RGSL1: variants seen among roughly 807,000 people sequenced by gnomAD.
The protein encoded by RGSL1 is regulator of G protein signaling like 1.
Under a neutral mutation model 124.7 loss-of-function variants are expected in RGSL1, and 97 were observed. The ratio of observed to expected loss-of-function variants is 0.78; its 90% confidence interval spans 0.66 to 0.92. The LOEUF (loss-of-function observed/expected upper bound fraction) is 0.92. Ranked by LOEUF, RGSL1 falls within the 40% of genes least tolerant of loss-of-function variation. RGSL1 has a pLI of 0.00. For synonymous variants in RGSL1, 424 were observed against 438.1 expected (o/e 0.97, Z 0.40); for missense variants, 1,233 against 1,288.4 (o/e 0.96, Z 0.66).
chr1:182,519,620 T>C (rs1310834863), intron 9 of RGSL1, among the ~76,000 whole-genome samples: 1 of 152,152 alleles, frequency 6.6e-6, no homozygotes, highest in Non-Finnish European at 1.5e-5. Context: ...CTTTTTTCAG[T>C]TTTAGGGAAT....
intron 13 of RGSL1, among the ~76,000 whole-genome samples, chr1:182,531,889 G>C (rs1221776606): frequency 6.6e-6 from 1 of 152,134 alleles, no homozygotes; most frequent in Admixed American, 6.5e-5. Context: ...CTTACACATG[G>C]AGACATTGAG....
rs79255440 is a variant in RGSL1, at chr1:182,533,587, G to A, written c.2494+796G>A. Among the ~76,000 whole-genome samples, 1,347 of 152,240 alleles carry A rather than the reference G, an allele frequency of 8.8e-3. 18 individuals carry two copies. The highest frequency in any genetic ancestry group is 0.031 in the African/African-American group (1,282 of 41,538). On this transcript the variant is annotated intron_variant, in intron 14 of 21. Coordinates refer to ENST00000294854, the MANE Select transcript of RGSL1 (RefSeq NM_001137669.2). ...AATACAAGCCACAGATGTTGGAGCC[G>A]GAGTGCCTAGATTTGAATCTGTCAC... is the stretch of plus-strand genomic sequence containing the variant.
intron 1 of RGSL1, among the ~76,000 whole-genome samples, chr1:182,450,888 T>C (rs1041218045): frequency 6.6e-6 from 1 of 152,234 alleles, no homozygotes; most frequent in African/African-American, 2.4e-5. Context: ...GGCTCACCCT[T>C]GTAATCCTAG....
At chr1:182,508,290 GTTTTTTTT>G (rs58641894) in intron 9 of RGSL1, among the ~76,000 whole-genome samples, 4 of 53,784 alleles carry the variant, frequency 7.4e-5, no homozygotes, top group Admixed American at 6.2e-4. Context: ...TGGTGGTGGT[GTTTTTTTT>G]TTTTTTTTTT....
chr1:182,533,893 A>C (rs1215582392), intron 14 of RGSL1, among the ~76,000 whole-genome samples: 1 of 152,224 alleles, frequency 6.6e-6, no homozygotes, highest in African/African-American at 2.4e-5. Flanking sequence ...TGACCAAGTT[A>C]GGTAGGTGGG....
intron 18 of RGSL1, among the ~76,000 whole-genome samples, chr1:182,553,008 A>G (rs266542): frequency 0.27 from 41,745 of 152,070 alleles, 6,182 homozygotes; most frequent in Admixed American, 0.34. Flanking sequence ...GGGTTCAAGC[A>G]ATTCTCCTGC....
chr1:182,477,614 T>A (rs1005334283), intron 6 of RGSL1, among the ~76,000 whole-genome samples: 2 of 152,200 alleles, frequency 1.3e-5, no homozygotes, highest in East Asian at 1.9e-4. Context: ...TGACCACCTG[T>A]GGACTCAGCT....
chr1:182,523,352 T>C lies in RGSL1; in HGVS notation c.1931+1243T>C, dbSNP rs778213064. Among the ~76,000 whole-genome samples, 12 of 152,118 alleles carry C rather than the reference T, an allele frequency of 7.9e-5. No homozygotes were observed. The South Asian group carries it at 1.2e-3, about 16-fold the overall frequency. ...ACCCAGCCAAGAATGTTTTCGTTTA[T>C]TGATGACATTCATTGAGGGTGATAA... On this transcript the variant is annotated intron_variant, in intron 10 of 21. Coordinates refer to ENST00000294854, the MANE Select transcript of RGSL1 (RefSeq NM_001137669.2).
chr1:182,523,426 C>T (rs950366608), intron 10 of RGSL1, among the ~76,000 whole-genome samples: 1 of 152,128 alleles, frequency 6.6e-6, no homozygotes, highest in Non-Finnish European at 1.5e-5. Flanking sequence ...TCCCTTTCAG[C>T]AACTGAAATT....
At chr1:182,515,858 G>A (rs530551021) in intron 9 of RGSL1, among the ~76,000 whole-genome samples, 113 of 152,340 alleles carry the variant, frequency 7.4e-4, no homozygotes, top group African/African-American at 2.6e-3. Flanking sequence ...TGGCCATGGG[G>A]TGGGATTCAG....
At chr1:182,451,023 G>C (rs1651769620) in intron 1 of RGSL1, among the ~76,000 whole-genome samples, 1 of 151,550 alleles carries the variant, frequency 6.6e-6, no homozygotes, top group Non-Finnish European at 1.5e-5. Context: ...GGCATGCACT[G>C]TAATCCCAGC....
At chr1:182,518,922 A>G (rs1039427439) in intron 9 of RGSL1, among the ~76,000 whole-genome samples, 4 of 150,774 alleles carry the variant, frequency 2.7e-5, no homozygotes, top group Non-Finnish European at 5.9e-5. Flanking sequence ...CCATGCTGCC[A>G]TTTTGGTACT....
intron 9 of RGSL1, among the ~76,000 whole-genome samples, chr1:182,499,578 G>C (rs534884060): frequency 5.9e-5 from 9 of 152,282 alleles, no homozygotes; most frequent in Admixed American, 3.9e-4. Flanking sequence ...CATTGCATGT[G>C]AGATGAATCT....
At chr1:182,477,802 TCTGA>T (rs758906197) in intron 6 of RGSL1, among the ~76,000 whole-genome samples, 7 of 152,118 alleles carry the variant, frequency 4.6e-5, no homozygotes, top group Non-Finnish European at 1.0e-4. Flanking sequence ...GCCCAGAATC[TCTGA>T]CTGGCTAATT....
At chr1:182,457,244 G>C (rs540246582) in intron 2 of RGSL1, among the ~76,000 whole-genome samples, 15 of 152,296 alleles carry the variant, frequency 9.8e-5, no homozygotes, top group Admixed American at 9.8e-4. Context: ...GCTGGCTCCA[G>C]GCCTGATGTG....
At position 182,553,497 on chromosome 1, in the gene RGSL1, A is replaced by T. The variant is rs906600288; in HGVS notation, c.3086A>T (p.Glu1029Val). 6.4e-7 allele frequency: 1 copy of T among 1,552,000 alleles called. No individual in the cohort carries two copies. The highest frequency in any genetic ancestry group is 1.4e-5 in the African/African-American group (1 of 73,128). ...AGGTTCACCTTGCTCAGAGGTATTG[A>T]GTGGTTGCAGCCTCAACGGGAAGCA... ...ILRFTLLRGIEWLQPQREAIS... is the reference protein window; with the variant it reads ...ILRFTLLRGIVWLQPQREAIS... The change falls in exon 19 of 22, where the codon GAG becomes GTG. Residue 1029 changes from glutamate to valine, a missense_variant. Coordinates refer to ENST00000294854, the MANE Select transcript of RGSL1 (RefSeq NM_001137669.2).
rs779804947 is a variant in RGSL1 at position 182,548,857 on chromosome 1, G to T, written c.2933+33G>T. On this transcript the variant is annotated intron_variant, in intron 17 of 21. Coordinates refer to ENST00000294854, the MANE Select transcript of RGSL1 (RefSeq NM_001137669.2). ...TTTCTCCTTATTCAGTGACTGTTAG[G>T]TCAGGAAAACACACTTAGTTTGGAG... 20 of 1,548,928 alleles carry T rather than the reference G, an allele frequency of 1.3e-5. No homozygotes were observed. In the African/African-American group the frequency reaches 2.7e-4, roughly 21 times the overall value.
At chr1:182,518,320 A>G (rs1194626170) in intron 9 of RGSL1, among the ~76,000 whole-genome samples, 3 of 152,160 alleles carry the variant, frequency 2.0e-5, no homozygotes, top group African/African-American at 4.8e-5. Flanking sequence ...AGTTCTAGTA[A>G]AGGATTGGAG....
intron 9 of RGSL1, among the ~76,000 whole-genome samples, chr1:182,506,297 T>C (rs1198946490): frequency 6.6e-6 from 1 of 152,202 alleles, no homozygotes; most frequent in Non-Finnish European, 1.5e-5. Flanking sequence ...TGTATTTGGC[T>C]AAGCACATTC....
Sources: allele counts gnomAD v4.1 joint callset (sites outside exome capture counted in the v4.1 genomes callset), GRCh38; gene constraint gnomAD v4.1.1; transcripts MANE v1.5; gene names NCBI Gene and HGNC (gene_info 2026-07-23, HGNC 2026-07-21).